CCT6B: variants seen among roughly 807,000 people sequenced by gnomAD.
CCT6B encodes chaperonin containing TCP1 subunit 6B.
Under a neutral mutation model 61.5 loss-of-function variants are expected in CCT6B, and 49 were observed. That is an observed-to-expected ratio of 0.80 (90% confidence interval 0.63 to 1.01). The LOEUF (loss-of-function observed/expected upper bound fraction) is 1.01. Among genes scored for constraint, CCT6B ranks in the 50% least tolerant of loss-of-function variants. The pLI, the probability that CCT6B is intolerant of heterozygous loss-of-function variation, is 0.00. For missense variants in CCT6B, 666 were observed against 634.7 expected (o/e 1.05, Z -0.53); for synonymous variants, 228 against 214.5 (o/e 1.06, Z -0.55).
chr17:34,936,903 C>A (rs1238313005), intron 10 of CCT6B, among the ~76,000 whole-genome samples: 3 of 152,008 alleles, frequency 2.0e-5, no homozygotes, highest in Admixed American at 2.0e-4. Flanking sequence ...CTGTAATCCA[C>A]GCACTTTGGG....
intron 1 of CCT6B, among the ~76,000 whole-genome samples, chr17:34,960,744 CTT>C (rs991133779): frequency 2.6e-5 from 4 of 152,208 alleles, no homozygotes; most frequent in Admixed American, 2.6e-4. Context: ...TTTCCTCACT[CTT>C]GTCTATAGAA....
At chr17:34,956,107 T>C (rs1567673600) in intron 3 of CCT6B, among the ~76,000 whole-genome samples, 3 of 152,194 alleles carry the variant, frequency 2.0e-5, no homozygotes, top group Admixed American at 6.5e-5. Context: ...TGGTCTGTAA[T>C]ACCACTGGAT....
At chr17:34,946,854 TGCC>T in intron 5 of CCT6B, among the ~76,000 whole-genome samples, 1 of 152,168 alleles carries the variant, frequency 6.6e-6, no homozygotes, top group African/African-American at 2.4e-5. Flanking sequence ...TAACAATCTA[TGCC>T]GCAGAAATTC....
chr17:34,932,304 C>A lies in CCT6B; in HGVS notation c.1347+63G>T, dbSNP rs891719399. The A allele has an allele frequency of 1.5e-5, 22 of 1,458,918 alleles. No homozygotes were observed. The East Asian group carries it at 4.9e-4, about 32-fold the overall frequency. 90.4% of individuals were successfully genotyped at this position (1,458,918 alleles called of 1,614,324 possible). ...TCCATTAACTATCAGATAATATGGG[C>A]AATTTGTAATTAAACACCTTTATGT... On this transcript the variant is annotated intron_variant, in intron 11 of 13. Transcript: ENST00000314144.
At chr17:34,939,839 G>T (rs1455794983) in intron 8 of CCT6B, 126 bp from the exon 9 acceptor site, 1 of 648,648 alleles carries the variant, frequency 1.5e-6, no homozygotes, top group Non-Finnish European at 2.8e-6. Flanking sequence ...GTTTTTAATT[G>T]TCTAATAAAA....
At chr17:34,960,705 C>T (rs761120770) in intron 1 of CCT6B, among the ~76,000 whole-genome samples, 3 of 152,206 alleles carry the variant, frequency 2.0e-5, no homozygotes, top group Non-Finnish European at 2.9e-5. Context: ...TGTCTCTCCT[C>T]TTATACCCTT....
At chr17:34,953,762 T>C (rs909522914) in intron 4 of CCT6B, among the ~76,000 whole-genome samples, 5 of 151,992 alleles carry the variant, frequency 3.3e-5, no homozygotes, top group Non-Finnish European at 1.5e-5. Context: ...AAGACAAGCT[T>C]TGGTAACATA....
rs1283186296 is a variant in CCT6B, at chr17:34,931,044, G to C, written c.1355C>G (p.Ala452Gly). ...CTGTGGGTCATAACCAGCATTCTGA[G>C]CAAGAACCTTTAGGAATAAAAATAA... Reference protein sequence around the residue: ...DALLIIPKVLAQNAGYDPQET... With the variant: ...DALLIIPKVLGQNAGYDPQET... The change falls in exon 12 of 14, where the codon GCT becomes GGT. Residue 452 changes from alanine (A) to glycine (G), a missense_variant. Ala to Gly is a moderately conservative substitution (Grantham distance 60, BLOSUM62 0). Transcript: ENST00000314144. 2 of 1,505,482 alleles carry C rather than the reference G, an allele frequency of 1.3e-6. No homozygotes were observed. The highest frequency in any genetic ancestry group is 1.8e-6 in the Non-Finnish European group (2 of 1,101,022). 93.3% of individuals were successfully genotyped at this position (1,505,482 alleles called of 1,614,324 possible).
At chr17:34,958,484 T>C in intron 3 of CCT6B, 76 bp downstream of exon 3, 1 of 876,696 alleles carries the variant, frequency 1.1e-6, no homozygotes, top group Non-Finnish European at 1.6e-6. Flanking sequence ...ATTAACTGTC[T>C]AAAACTCAAC....
At chr17:34,950,417 G>C (rs558434304) in intron 5 of CCT6B, among the ~76,000 whole-genome samples, 24 of 152,096 alleles carry the variant, frequency 1.6e-4, no homozygotes, top group Non-Finnish European at 2.9e-4. Flanking sequence ...AACAAGGAAA[G>C]AAAGGCATAA....
chr17:34,961,439 T>C lies in CCT6B; in HGVS notation c.-46A>G. The C allele has an allele frequency of 6.4e-7, 1 of 1,562,860 alleles. No individual in the cohort carries two copies. The highest frequency in any genetic ancestry group is 8.6e-7 in the Non-Finnish European group (1 of 1,159,430). On this transcript the variant is annotated 5_prime_UTR_variant, in exon 1 of 14. Coordinates refer to ENST00000314144, the MANE Select transcript of CCT6B (RefSeq NM_006584.4). ...GAAAAAAAAAAAGCCTTAGTCGCGATTCTGAGCAAAAACGGCAATGCGACG... is the reference window on the plus strand; with the variant it reads ...GAAAAAAAAAAAGCCTTAGTCGCGACTCTGAGCAAAAACGGCAATGCGACG...
rs1455070895 is a variant in CCT6B, at chr17:34,942,585, C to G, written c.784G>C (p.Ala262Pro). The change falls in exon 7 of 14, where the codon GCT becomes CCT. Residue 262 changes from alanine (A) to proline (P), a missense_variant. Ala to Pro is a conservative substitution (Grantham distance 27, BLOSUM62 -1). Transcript: ENST00000314144. ...CTATCTTCAATAAATTTTCTTTCAGCTTTTACCAATTTCTCTTTCTCTTCT... is the reference window on the plus strand; with the variant it reads ...CTATCTTCAATAAATTTTCTTTCAGGTTTTACCAATTTCTCTTTCTCTTCT... The part of the protein sequence containing the change: ...TAEEKEKLVK[A>P]ERKFIEDRVQ... The G allele has an allele frequency of 1.6e-5, 25 of 1,608,164 alleles. No homozygotes were observed. The highest frequency in any genetic ancestry group is 1.0e-4 in the Admixed American group (6 of 58,980).
rs553905476 is a variant in CCT6B, at chr17:34,947,904, C to G, written c.614+4046G>C. Among the ~76,000 whole-genome samples, 47 of 148,348 alleles carry G rather than the reference C, an allele frequency of 3.2e-4. No homozygotes were observed. In the South Asian group the frequency reaches 9.3e-3, roughly 29 times the overall value. On this transcript the variant is annotated intron_variant, in intron 5 of 13. Transcript: ENST00000314144. ...GGCTGAGGGAATCACTTGAACCTGGCAAGCGGAAGTTGCAGTGAGCCGAGA... is the reference window on the plus strand; with the variant it reads ...GGCTGAGGGAATCACTTGAACCTGGGAAGCGGAAGTTGCAGTGAGCCGAGA...
chr17:34,948,877 AT>A (rs2090256397), intron 5 of CCT6B, among the ~76,000 whole-genome samples: 1 of 151,860 alleles, frequency 6.6e-6, no homozygotes, highest in Non-Finnish European at 1.5e-5. Flanking sequence ...GACAAAAAAA[AT>A]ATAAAAATTA....
At chr17:34,961,124 A>C (rs1226779226) in intron 1 of CCT6B, 133 bp downstream of exon 1, 3 of 1,145,608 alleles carry the variant, frequency 2.6e-6, no homozygotes, top group Non-Finnish European at 3.6e-6. Flanking sequence ...AAATACCCCC[A>C]GAGCAGGGAT....
intron 2 of CCT6B, 59 bp downstream of exon 2, chr17:34,959,528 C>T (rs1364338194): frequency 3.3e-6 from 4 of 1,197,828 alleles, no homozygotes; most frequent in African/African-American, 3.0e-5. Context: ...TACACAAGTT[C>T]TACTATGCTT....
At chr17:34,929,661 C>T (rs2090013164) in intron 12 of CCT6B, among the ~76,000 whole-genome samples, 1 of 151,802 alleles carries the variant, frequency 6.6e-6, no homozygotes, top group African/African-American at 2.4e-5. Context: ...TTATAGGGGC[C>T]TGCCACCATC....
intron 13 of CCT6B, 50 bp from the exon 14 acceptor site, chr17:34,928,167 C>CT: frequency 1.6e-6 from 2 of 1,212,596 alleles, no homozygotes; most frequent in Non-Finnish European, 2.4e-6. Context: ...CCACTCTTAG[C>CT]TTTTTTCCCC....
chr17:34,942,780 A>G lies in CCT6B; in HGVS notation c.725+16T>C. On this transcript the variant is annotated intron_variant, in intron 6 of 13. Coordinates refer to ENST00000314144, the MANE Select transcript of CCT6B (RefSeq NM_006584.4). ...AAAAAAAAATTCAAAAGTTATAAAG[A>G]GAAAGTAACACGCACGTTTTTTCAT... The G allele has an allele frequency of 6.4e-7, 1 of 1,558,644 alleles. No homozygotes were observed. Among genetic ancestry groups the G allele is most frequent in the Non-Finnish European group, 8.8e-7 (1 of 1,142,436 alleles).
Sources: gnomAD v4.1 joint callset for allele counts (sites outside exome capture counted in the v4.1 genomes callset) on GRCh38, gnomAD v4.1.1 for gene constraint, MANE v1.5 for transcripts, NCBI Gene and HGNC (gene_info 2026-07-23, HGNC 2026-07-21) for gene names.